LARP1B: variants seen among roughly 807,000 people sequenced by gnomAD.
LARP1B encodes the protein la-related protein 1B.
A neutral mutation model predicts 114.2 loss-of-function variants in LARP1B; 76 were observed. That is an observed-to-expected ratio of 0.67 (90% CI 0.55 to 0.81). The LOEUF is 0.81. Ranked by LOEUF, LARP1B falls within the 30% of genes least tolerant of loss-of-function variation. The probability of loss-of-function intolerance (pLI) is 0.00; values close to 1 mark genes in which losing one functional copy is unlikely to be tolerated. For missense variants in LARP1B, 1,014 were observed against 1,075.8 expected (o/e 0.94, Z 0.80); for synonymous variants, 345 against 348.0 (o/e 0.99, Z 0.10).
chr4:128,095,598 A>T (rs1777630945), intron 7 of LARP1B, among the ~76,000 whole-genome samples: 1 of 152,160 alleles, frequency 6.6e-6, no homozygotes. Flanking sequence ...CAATTGGGTA[A>T]ATATCAAACT....
rs147401202 is a variant in LARP1B at position 128,121,088 on chromosome 4, T to C, written c.1162-738T>C. ...CGTCCCAAAGTGCTGGGATTATAGG[T>C]GTGAGCCACTGCACCTGGCCTGAGG... is the stretch of plus-strand genomic sequence containing the variant. On this transcript the variant is annotated intron_variant, in intron 10 of 19. Transcript: ENST00000326639. 5.2e-3 allele frequency among the ~76,000 whole-genome samples: 790 copies of C among 152,234 alleles called. 9 individuals carry two copies. Among genetic ancestry groups the C allele is most frequent in the Middle Eastern group, 0.02 (6 of 294 alleles).
chr4:128,219,663 G>T (rs1310525409), intron 6 of LARP1B, among the ~76,000 whole-genome samples: 1 of 107,966 alleles, frequency 9.3e-6, no homozygotes, highest in Non-Finnish European at 1.8e-5. Context: ...GGGGAGGGGG[G>T]AGGGATAGCA....
chr4:128,195,228 T>C (rs1425640269), intron 15 of LARP1B, among the ~76,000 whole-genome samples: 1 of 152,222 alleles, frequency 6.6e-6, no homozygotes, highest in Non-Finnish European at 1.5e-5. Context: ...TATAGATTCA[T>C]GTGCTGTAAT....
chr4:128,108,125 CTT>C, intron 9 of LARP1B: 1 of 1,329,080 alleles, frequency 7.5e-7, no homozygotes, highest in Non-Finnish European at 9.6e-7. Flanking sequence ...GACTGCTACT[CTT>C]TTTATAGGAG....
intron 15 of LARP1B, among the ~76,000 whole-genome samples, chr4:128,189,372 C>A (rs1007387741): frequency 5.7e-5 from 2 of 35,180 alleles, no homozygotes; most frequent in Middle Eastern, 0.019. Flanking sequence ...CGTGGAATGT[C>A]TTTTTCCATT....
intron 15 of LARP1B, among the ~76,000 whole-genome samples, chr4:128,185,826 G>C (rs1239134867): frequency 6.6e-6 from 1 of 152,138 alleles, no homozygotes; most frequent in African/African-American, 2.4e-5. Context: ...TTGGGTCCTA[G>C]TTTAAGTCTT....
chr4:128,091,320 CCTTT>C (rs749231944), intron 6 of LARP1B, 23 bp from the exon 7 acceptor site: 21 of 1,584,888 alleles, frequency 1.3e-5, no homozygotes, highest in Admixed American at 1.8e-5. Flanking sequence ...TATGTGATTA[CCTTT>C]CTTTTTCTTT....
intron 12 of LARP1B, among the ~76,000 whole-genome samples, chr4:128,175,652 A>G (rs540941928): frequency 4.6e-5 from 7 of 152,254 alleles, no homozygotes; most frequent in Admixed American, 1.3e-4. Flanking sequence ...TTGGTGCCCT[A>G]GGACACTCTA....
chr4:128,118,917 G>T (rs1786947521), intron 10 of LARP1B, among the ~76,000 whole-genome samples: 1 of 147,226 alleles, frequency 6.8e-6, no homozygotes, highest in African/African-American at 2.5e-5. Flanking sequence ...CGCTCTTGTT[G>T]CCCAGGCTGG....
chr4:128,105,236 T>C (rs560418980), intron 8 of LARP1B, among the ~76,000 whole-genome samples: 1 of 152,340 alleles, frequency 6.6e-6, no homozygotes, highest in South Asian at 2.1e-4. Flanking sequence ...TTCTAGTCAG[T>C]GTCACACAGC....
intron 8 of LARP1B, among the ~76,000 whole-genome samples, chr4:128,099,893 T>C (rs567439982): frequency 2.0e-5 from 3 of 152,318 alleles, no homozygotes; most frequent in Non-Finnish European, 2.9e-5. Context: ...CTCAGCCTTA[T>C]CATTGCATAT....
intron 12 of LARP1B, among the ~76,000 whole-genome samples, chr4:128,170,106 A>C (rs1384653492): frequency 1.3e-5 from 2 of 151,966 alleles, no homozygotes; most frequent in Non-Finnish European, 2.9e-5. Context: ...AGTGATTGGA[A>C]TTTTTTCAGT....
chr4:128,152,507 G>A (rs554708395), intron 11 of LARP1B, among the ~76,000 whole-genome samples: 3 of 151,268 alleles, frequency 2.0e-5, no homozygotes, highest in Non-Finnish European at 4.4e-5. Context: ...CGGCCAACAT[G>A]GTGATTTTTA....
In LARP1B at chr4:128,147,383, C is replaced by T. The variant is rs149440817; in HGVS notation, c.1525-14811C>T. ...TTATACATTCTTTCAAAAAGTTCTC[C>T]CCTTGATGCATGCAAGAGTTTTGCC... On this transcript the variant is annotated intron_variant, in intron 11 of 19. Coordinates refer to ENST00000326639, the MANE Select transcript of LARP1B (RefSeq NM_018078.4). Among the ~76,000 whole-genome samples, 7 of 152,228 alleles carry T rather than the reference C, an allele frequency of 4.6e-5. No individual in the cohort carries two copies. The East Asian group carries it at 7.7e-4, about 17-fold the overall frequency.
At chr4:128,201,113 G>A (rs903914525) in intron 17 of LARP1B, among the ~76,000 whole-genome samples, 3 of 152,132 alleles carry the variant, frequency 2.0e-5, no homozygotes, top group Admixed American at 6.5e-5. Flanking sequence ...CTTCCCTAGG[G>A]CATTTTACAA....
intron 8 of LARP1B, among the ~76,000 whole-genome samples, chr4:128,098,767 A>ATAT (rs1328165907): frequency 2.9e-5 from 1 of 35,034 alleles, no homozygotes; most frequent in African/African-American, 1.3e-4. Context: ...ATATATATAT[A>ATAT]TTTTTTTTTT....
chr4:128,151,077 C>T (rs1311934547), intron 11 of LARP1B, among the ~76,000 whole-genome samples: 1 of 152,196 alleles, frequency 6.6e-6, no homozygotes, highest in Non-Finnish European at 1.5e-5. Flanking sequence ...AGAAAAGTTA[C>T]ATACATAATA....
chr4:128,063,003 T>G (rs1202252622), intron 1 of LARP1B, among the ~76,000 whole-genome samples: 1 of 152,162 alleles, frequency 6.6e-6, no homozygotes, highest in Non-Finnish European at 1.5e-5. Context: ...GCACGTTAGG[T>G]AAATGGTTTT....
At chr4:128,078,006 A>C (rs763576204) in intron 4 of LARP1B, 44 bp downstream of exon 4, 1 of 1,332,236 alleles carries the variant, frequency 7.5e-7, no homozygotes, top group Admixed American at 2.5e-5. Context: ...TTTTTGAAGA[A>C]AGTTGTAATG....
Sources: allele counts gnomAD v4.1 joint callset (sites outside exome capture counted in the v4.1 genomes callset), GRCh38; gene constraint gnomAD v4.1.1; transcripts MANE v1.5; gene names NCBI Gene and HGNC (gene_info 2026-07-23, HGNC 2026-07-21).